TEX10: variants seen among roughly 807,000 people sequenced by gnomAD.
TEX10 encodes testis expressed 10, also known as testis-expressed protein 10.
In TEX10, 24 loss-of-function variants were observed where a neutral mutation model predicts 104.4. The observed-to-expected ratio is 0.23, with a 90% CI of 0.17 to 0.32. The LOEUF is 0.32. TEX10 is among the 10% of genes least tolerant of loss of function. The probability of loss-of-function intolerance (pLI) is 1.00; values close to 1 mark genes in which losing one functional copy is unlikely to be tolerated. For missense variants in TEX10, 921 were observed against 1,083.9 expected (o/e 0.85, Z 2.11); for synonymous variants, 396 against 393.4 (o/e 1.01, Z -0.08).
At chr9:100,323,045 A>G (rs548859373) in intron 9 of TEX10, among the ~76,000 whole-genome samples, 1 of 152,332 alleles carries the variant, frequency 6.6e-6, no homozygotes, top group East Asian at 1.9e-4. Context: ...AAAAGCACAG[A>G]TGCTCAACAC....
chr9:100,334,961 G>C (rs111619947), intron 5 of TEX10, among the ~76,000 whole-genome samples: 1 of 152,110 alleles, frequency 6.6e-6, no homozygotes, highest in Admixed American at 6.5e-5. Flanking sequence ...CACCGCGCCT[G>C]GCCAGTCACT....
intron 1 of TEX10, chr9:100,352,279 G>T: frequency 7.2e-7 from 1 of 1,385,184 alleles, no homozygotes; most frequent in Non-Finnish European, 1.0e-6. Context: ...AATGGCCCAG[G>T]CAGGGGCGAC....
chr9:100,349,136 C>T (rs41274961), intron 2 of TEX10, 48 bp downstream of exon 2: 206,428 of 1,451,374 alleles, frequency 0.14, 15,729 homozygotes, highest in Non-Finnish European at 0.16. Flanking sequence ...ACATTCTACA[C>T]GATTCCAAAG....
At chr9:100,349,119 A>T in intron 2 of TEX10, 65 bp downstream of exon 2, 1 of 1,367,182 alleles carries the variant, frequency 7.3e-7, no homozygotes, top group Non-Finnish European at 9.6e-7. Flanking sequence ...ATTTTCACAA[A>T]AATATAACAT....
intron 5 of TEX10, among the ~76,000 whole-genome samples, chr9:100,336,187 T>C (rs904144875): frequency 1.3e-5 from 2 of 151,746 alleles, no homozygotes; most frequent in Non-Finnish European, 2.9e-5. Flanking sequence ...AATAAATAAA[T>C]AAACAAAAAA....
chr9:100,352,590 C>T (rs1835484530), intron 1 of TEX10, 182 bp downstream of exon 1: 1 of 1,504,330 alleles, frequency 6.6e-7, no homozygotes, highest in Admixed American at 2.1e-5. Flanking sequence ...GGGGTCCCGC[C>T]CCCGCAGTGC....
intron 7 of TEX10, among the ~76,000 whole-genome samples, chr9:100,328,261 G>A (rs1020054844): frequency 3.3e-5 from 5 of 152,108 alleles, no homozygotes; most frequent in Non-Finnish European, 7.4e-5. Context: ...ATTAACAAAT[G>A]TACACATTCA....
chr9:100,335,202 C>G (rs774480525), intron 5 of TEX10, among the ~76,000 whole-genome samples: 1 of 152,066 alleles, frequency 6.6e-6, no homozygotes, highest in Non-Finnish European at 1.5e-5. Flanking sequence ...TCTCAAGGGT[C>G]AAGACTTTTT....
At chr9:100,342,167 T>C (rs1021116174) in intron 4 of TEX10, among the ~76,000 whole-genome samples, 4 of 152,264 alleles carry the variant, frequency 2.6e-5, no homozygotes, top group African/African-American at 9.6e-5. Flanking sequence ...TTCCCACAGA[T>C]GTTGACAAGA....
chr9:100,303,982 G>A (rs1017996949), intron 13 of TEX10, 140 bp from the exon 14 acceptor site: 12 of 756,782 alleles, frequency 1.6e-5, no homozygotes, highest in African/African-American at 7.0e-5. Context: ...AATCAAGAAC[G>A]CAATCTCACT....
chr9:100,320,239 T>TA lies in TEX10; in HGVS notation c.2202+25dup, dbSNP rs549244134. On this transcript the variant is annotated intron_variant, in intron 11 of 14. Transcript: ENST00000374902. ...TGATGAACTGAATTTTAATAATTATTAGTTTCTTTTTAAATGAACTATTAC... is the reference window on the plus strand; with the variant it reads ...TGATGAACTGAATTTTAATAATTATTAAGTTTCTTTTTAAATGAACTATTAC... 128 of 1,568,912 alleles carry TA rather than the reference T, an allele frequency of 8.2e-5. No homozygotes were observed. The African/African-American group carries it at 1.5e-3, about 19-fold the overall frequency.
chr9:100,351,963 G>T (rs148803963), intron 1 of TEX10, among the ~76,000 whole-genome samples: 1 of 152,262 alleles, frequency 6.6e-6, no homozygotes, highest in Non-Finnish European at 1.5e-5. Flanking sequence ...CTAGTCCTTA[G>T]GTTTGCGATC....
chr9:100,314,119 G>A (rs1454323618), intron 11 of TEX10, among the ~76,000 whole-genome samples: 3 of 141,648 alleles, frequency 2.1e-5, no homozygotes, highest in South Asian at 2.2e-4. Context: ...ACAGAGTCTC[G>A]CTCTGTCACC....
At chr9:100,311,308 T>C (rs1218511455) in intron 11 of TEX10, among the ~76,000 whole-genome samples, 2 of 151,918 alleles carry the variant, frequency 1.3e-5, no homozygotes, top group South Asian at 2.1e-4. Flanking sequence ...GACAGGAGGA[T>C]CGCCTGAGCC....
At position 100,302,109 on chromosome 9, in the gene TEX10, C is replaced by CA. The variant is rs146292456; in HGVS notation, c.*81dup. ...TTCTTTAAAAGTTCAGCTTTAATGA[C>CA]AAAGATCTATTACATCAGTCTTTTT... On this transcript the variant is annotated 3_prime_UTR_variant, in exon 15 of 15. Transcript: ENST00000374902. 9.2e-4 allele frequency: 748 copies of CA among 814,212 alleles called. 12 individuals are homozygous for CA. The East Asian group carries it at 0.019, about 21-fold the overall frequency. The allele number at this position is 814,212 out of a possible 1,614,324, so 50.4% of individuals were successfully genotyped here.
At chr9:100,305,417 C>A (rs1834121421) in intron 13 of TEX10, 1 of 152,170 alleles carries the variant, frequency 6.6e-6, no homozygotes, top group African/African-American at 2.4e-5. Context: ...AAGAGAAAGC[C>A]AGACTGCAGA....
intron 14 of TEX10, among the ~76,000 whole-genome samples, chr9:100,303,010 A>C (rs1834044424): frequency 6.7e-6 from 1 of 149,146 alleles, no homozygotes; most frequent in Non-Finnish European, 1.5e-5. Context: ...GAAGGCAGAG[A>C]GCCAACCATT....
In TEX10 at chr9:100,329,154, T is replaced by C; in HGVS notation, c.1611A>G (p.Arg537=). 1.9e-6 allele frequency: 3 copies of C among 1,601,790 alleles called. No individual in the cohort carries two copies. The highest frequency in any genetic ancestry group is 2.5e-6 in the Non-Finnish European group (3 of 1,177,354). The change falls in exon 7 of 15, where the codon AGA becomes AGG. Residue 537 remains arginine (R), a synonymous_variant. Transcript: ENST00000374902. ...FSKIYQTEEL[R]SCRFRYRSKV... ...CAAGATTTTACCTGAATCTACAAGA[T>C]CTCAGTTCTTCTGTCTGATAGATTT...
intron 1 of TEX10, among the ~76,000 whole-genome samples, chr9:100,351,969 C>T (rs564006356): frequency 6.6e-6 from 1 of 152,218 alleles, no homozygotes; most frequent in African/African-American, 2.4e-5. Context: ...CTTAGGTTTG[C>T]GATCCCCAAT....
Sources: gnomAD v4.1 joint callset for allele counts (sites outside exome capture counted in the v4.1 genomes callset) on GRCh38, gnomAD v4.1.1 for gene constraint, MANE v1.5 for transcripts, NCBI Gene and HGNC (gene_info 2026-07-23, HGNC 2026-07-21) for gene names.